Variants in RBM19 observed in about 807,000 individuals in gnomAD.
RBM19 encodes RNA binding motif protein 19.
RBM19 carries 94 observed loss-of-function variants against 116.8 expected under a neutral mutation model. That is an observed-to-expected ratio of 0.80 (90% CI 0.68 to 0.95). RBM19 has a LOEUF of 0.95. Among genes scored for constraint, RBM19 ranks in the 40% least tolerant of loss-of-function variants. The probability of loss-of-function intolerance (pLI) is 0.00; values close to 1 mark genes in which losing one functional copy is unlikely to be tolerated. For synonymous variants in RBM19, 475 were observed against 494.1 expected (o/e 0.96, Z 0.51); for missense variants, 1,161 against 1,220.7 (o/e 0.95, Z 0.73).
At chr12:113,872,276 A>C (rs1286211590) in intron 21 of RBM19, among the ~76,000 whole-genome samples, 6 of 122,770 alleles carry the variant, frequency 4.9e-5, no homozygotes, top group Admixed American at 1.7e-4. Context: ...AAGTGAGGAG[A>C]CCCTCTGCCT....
intron 5 of RBM19, 112 bp from the exon 6 acceptor site, chr12:113,958,162 G>A (rs1872143231): frequency 2.7e-6 from 4 of 1,503,534 alleles, no homozygotes; most frequent in South Asian, 1.3e-5. Context: ...CATGCCCACC[G>A]TGTCCATGGC....
At chr12:113,920,777 C>T (rs571031113) in intron 18 of RBM19, 87 bp from the exon 19 acceptor site, 25 of 1,152,926 alleles carry the variant, frequency 2.2e-5, no homozygotes, top group African/African-American at 6.2e-5. Flanking sequence ...CCCAGACCTG[C>T]GCTGTATTTC....
In RBM19 at chr12:113,858,847, T is replaced by C; in HGVS notation, c.2608A>G (p.Thr870Ala). The C allele has an allele frequency of 6.2e-7, 1 of 1,614,140 alleles. No homozygotes were observed. The highest frequency in any genetic ancestry group is 8.5e-7 in the Non-Finnish European group (1 of 1,180,018). The change falls in exon 22 of 24, where the codon ACA becomes GCA. Residue 870 changes from threonine to alanine, a missense_variant. By Grantham distance (58) the Thr-to-Ala change is moderately conservative. Transcript: ENST00000261741. ...TVRLPKKMTG[T>A]GTHRGFGFVD... ...AAGCCGAAGCCTCTGTGTGTGCCTG[T>C]CCCAGTCATCTTCTTTGGCAGGCGG...
chr12:113,892,768 T>A (rs995454348), intron 21 of RBM19, among the ~76,000 whole-genome samples: 2 of 152,170 alleles, frequency 1.3e-5, no homozygotes. Flanking sequence ...AACACCCTCC[T>A]CGCCCTCCCC....
At position 113,928,687 on chromosome 12, in the gene RBM19, G is replaced by C. The variant is rs144562465; in HGVS notation, c.2069-1458C>G. On this transcript the variant is annotated intron_variant, in intron 16 of 23. Transcript: ENST00000261741. ...TCTGCAGCTCAGGGAGTTGGGAACAGGGAGACTAGACCTGCTAGCCTGCAG... is the reference window on the plus strand; with the variant it reads ...TCTGCAGCTCAGGGAGTTGGGAACACGGAGACTAGACCTGCTAGCCTGCAG... Among the ~76,000 whole-genome samples, 119 of 150,038 alleles carry C rather than the reference G, an allele frequency of 7.9e-4. 1 individual carries two copies. The highest frequency in any genetic ancestry group is 1.3e-3 in the Non-Finnish European group (89 of 67,492).
chr12:113,866,024 G>T lies in RBM19; in HGVS notation c.2559-7128C>A, dbSNP rs143910879. 7.0e-3 allele frequency among the ~76,000 whole-genome samples: 1,070 copies of T among 152,282 alleles called. 9 individuals carry two copies. Among genetic ancestry groups the T allele is most frequent in the African/African-American group, 0.024 (1,003 of 41,554 alleles). ...CCTGCACTGAGATGTTTTCTCTCCC[G>T]CAGAAGGTTATGTTGATGAGTGTGT... On this transcript the variant is annotated intron_variant, in intron 21 of 23. Coordinates refer to ENST00000261741, the MANE Select transcript of RBM19 (RefSeq NM_016196.4).
chr12:113,832,910 G>T (rs1040985671), intron 23 of RBM19, among the ~76,000 whole-genome samples: 20 of 152,090 alleles, frequency 1.3e-4, no homozygotes, highest in Non-Finnish European at 2.9e-5. Flanking sequence ...GGGCTCTCTT[G>T]GTCTCCAGTC....
intron 23 of RBM19, among the ~76,000 whole-genome samples, chr12:113,826,976 T>C (rs961900217): frequency 6.6e-6 from 1 of 152,054 alleles, no homozygotes; most frequent in Non-Finnish European, 1.5e-5. Context: ...TCTGCCAGGG[T>C]TCAGGCTGGG....
intron 16 of RBM19, among the ~76,000 whole-genome samples, chr12:113,931,407 G>C (rs1413850810): frequency 6.6e-6 from 1 of 152,128 alleles, no homozygotes; most frequent in Non-Finnish European, 1.5e-5. Context: ...GTGCTTCGAA[G>C]GGGGAAGAGT....
At chr12:113,942,158 C>G (rs1387570465) in intron 14 of RBM19, among the ~76,000 whole-genome samples, 166 bp downstream of exon 14, 1 of 152,182 alleles carries the variant, frequency 6.6e-6, no homozygotes, top group Non-Finnish European at 1.5e-5. Flanking sequence ...AGATAGGCCA[C>G]TTGTCTCAGC....
intron 21 of RBM19, among the ~76,000 whole-genome samples, chr12:113,895,296 G>A (rs1273160353): frequency 6.6e-6 from 1 of 152,180 alleles, no homozygotes; most frequent in Non-Finnish European, 1.5e-5. Flanking sequence ...GAGAGTGTGT[G>A]TCAGTCCACG....
chr12:113,962,728 G>A (rs1315112013), intron 1 of RBM19, among the ~76,000 whole-genome samples: 4 of 152,224 alleles, frequency 2.6e-5, no homozygotes, highest in African/African-American at 7.2e-5. Context: ...CTGCTACATA[G>A]TAGATACCTA....
At chr12:113,882,448 C>A (rs1880213846) in intron 21 of RBM19, among the ~76,000 whole-genome samples, 1 of 151,382 alleles carries the variant, frequency 6.6e-6, no homozygotes, top group Non-Finnish European at 1.5e-5. Flanking sequence ...ATTCTGTGTT[C>A]TAGAAAACTC....
chr12:113,893,962 A>G (rs2135812669), intron 21 of RBM19, among the ~76,000 whole-genome samples: 1 of 151,782 alleles, frequency 6.6e-6, no homozygotes, highest in Middle Eastern at 3.4e-3. Context: ...GGCACACACA[A>G]CAGTCAGAGC....
At chr12:113,877,392 A>AG (rs1879747879) in intron 21 of RBM19, among the ~76,000 whole-genome samples, 1 of 152,166 alleles carries the variant, frequency 6.6e-6, no homozygotes, top group African/African-American at 2.4e-5. Flanking sequence ...AGGTGGAGTT[A>AG]GGGGGAGCCC....
intron 16 of RBM19, among the ~76,000 whole-genome samples, chr12:113,931,919 C>T (rs181294099): frequency 9.8e-5 from 15 of 152,330 alleles, no homozygotes; most frequent in Admixed American, 2.0e-4. Context: ...GCAGTTTGCT[C>T]CTCTATCTGT....
intron 14 of RBM19, 131 bp from the exon 15 acceptor site, chr12:113,940,291 G>A: frequency 1.1e-6 from 1 of 924,052 alleles, no homozygotes; most frequent in Non-Finnish European, 1.6e-6. Context: ...CACTTAGGAG[G>A]AAGACCCAGG....
chr12:113,939,894 C>CCT, intron 15 of RBM19, 66 bp downstream of exon 15: 1 of 1,546,606 alleles, frequency 6.5e-7, no homozygotes, highest in Non-Finnish European at 8.9e-7. Flanking sequence ...CCCACTGCAC[C>CCT]CTCTCCCTTG....
At chr12:113,905,990 G>A (rs532582061) in intron 21 of RBM19, among the ~76,000 whole-genome samples, 18 of 152,302 alleles carry the variant, frequency 1.2e-4, no homozygotes, top group African/African-American at 3.9e-4. Flanking sequence ...AGGATGAGGC[G>A]CACCAGAACA....
Sources: gnomAD v4.1 joint callset for allele counts (sites outside exome capture counted in the v4.1 genomes callset) on GRCh38, gnomAD v4.1.1 for gene constraint, MANE v1.5 for transcripts, NCBI Gene and HGNC (gene_info 2026-07-23, HGNC 2026-07-21) for gene names.